Variants in KLHL32 observed in about 807,000 individuals in gnomAD.
KLHL32 encodes kelch like family member 32.
In KLHL32, 35 loss-of-function variants were observed where a neutral mutation model predicts 64.8. The ratio of observed to expected loss-of-function variants is 0.54; its 90% CI spans 0.41 to 0.72. The LOEUF is 0.72. Among genes scored for constraint, KLHL32 ranks in the 30% least tolerant of loss-of-function variants. The pLI is 0.00. For missense variants in KLHL32, 589 were observed against 768.5 expected, an observed-to-expected ratio of 0.77 and a Z score of 2.76; for synonymous variants, 259 against 281.0, an observed-to-expected ratio of 0.92 and a Z score of 0.78.
chr6:96,898,713 C>A, the KLHL32 span, among the ~76,000 whole-genome samples: 4 of 151,168 alleles, frequency 2.6e-5, no homozygotes, highest in African/African-American at 7.3e-5. Context: ...AACAAACAAA[C>A]AAAAAAACGA....
chr6:97,050,550 G>A (rs1286604685), intron 4 of KLHL32, among the ~76,000 whole-genome samples: 1 of 152,112 alleles, frequency 6.6e-6, no homozygotes, highest in Non-Finnish European at 1.5e-5. Flanking sequence ...AGGCAAGCAG[G>A]AAAATAGGGA....
At chr6:97,107,992 AT>A (rs1796637025) in intron 6 of KLHL32, among the ~76,000 whole-genome samples, 2 of 152,202 alleles carry the variant, frequency 1.3e-5, no homozygotes, top group Non-Finnish European at 2.9e-5. Flanking sequence ...GGAAGGAACA[AT>A]TCTCCATTGT....
intron 4 of KLHL32, among the ~76,000 whole-genome samples, chr6:97,060,458 C>T (rs1294672603): frequency 6.6e-6 from 1 of 152,208 alleles, no homozygotes. Flanking sequence ...TCAGTCCCAG[C>T]TCCACCCTCC....
rs545128948 is a variant in KLHL32, at chr6:97,093,531, G to A, written c.627+8190G>A. 2.6e-5 allele frequency among the ~76,000 whole-genome samples: 4 copies of A among 152,302 alleles called. No homozygotes were observed. The East Asian group carries it at 7.7e-4, about 29-fold the overall frequency. On this transcript the variant is annotated intron_variant, in intron 6 of 10. Transcript: ENST00000369261. ...TCAAAGTACCTTATATATCTCATAA[G>A]TCAAACGTTTTTATATATTACTCTG...
At chr6:97,043,540 T>C (rs1422399794) in intron 4 of KLHL32, among the ~76,000 whole-genome samples, 1 of 152,210 alleles carries the variant, frequency 6.6e-6, no homozygotes, top group Admixed American at 6.5e-5. Context: ...GGCAGATGTC[T>C]CTATAGCATA....
intron 3 of KLHL32, among the ~76,000 whole-genome samples, chr6:96,992,777 C>T (rs1239279903): frequency 6.6e-6 from 1 of 152,202 alleles, no homozygotes; most frequent in African/African-American, 2.4e-5. Context: ...GGAGAAACTT[C>T]ATTATTTGCA....
At chr6:96,910,100 GGGCGCTGTAGCT>G in the KLHL32 span, among the ~76,000 whole-genome samples, 1 of 152,106 alleles carries the variant, frequency 6.6e-6, no homozygotes, top group Admixed American at 6.5e-5. Flanking sequence ...CTTTGGGAGT[GGGCGCTGTAGCT>G]GCCGCCCACA....
At chr6:97,133,979 A>G (rs1799714064) in intron 10 of KLHL32, among the ~76,000 whole-genome samples, 1 of 152,168 alleles carries the variant, frequency 6.6e-6, no homozygotes, top group African/African-American at 2.4e-5. Context: ...TATCTCTAAT[A>G]CAATGCAATT....
At chr6:97,065,860 C>G (rs1789658066) in intron 5 of KLHL32, among the ~76,000 whole-genome samples, 1 of 152,132 alleles carries the variant, frequency 6.6e-6, no homozygotes, top group African/African-American at 2.4e-5. Context: ...AAAATAGGAA[C>G]CAGCACTTCC....
chr6:97,108,179 T>C (rs1487176577), intron 6 of KLHL32, among the ~76,000 whole-genome samples: 1 of 152,222 alleles, frequency 6.6e-6, no homozygotes, highest in African/African-American at 2.4e-5. Flanking sequence ...CCACTCTTGC[T>C]GGCTTGGCCA....
At chr6:96,960,509 A>G (rs577221852) in intron 1 of KLHL32, among the ~76,000 whole-genome samples, 2 of 152,342 alleles carry the variant, frequency 1.3e-5, no homozygotes, top group South Asian at 4.1e-4. Flanking sequence ...TCTCTTTAAA[A>G]ATTATAAGGT....
At chr6:96,905,946 C>G in the KLHL32 span, among the ~76,000 whole-genome samples, 1 of 152,254 alleles carries the variant, frequency 6.6e-6, no homozygotes, top group Admixed American at 6.5e-5. Context: ...TGCTCATAGA[C>G]TTTTTGGATT....
chr6:96,899,499 G>C, the KLHL32 span, among the ~76,000 whole-genome samples: 2 of 152,232 alleles, frequency 1.3e-5, no homozygotes, highest in Non-Finnish European at 2.9e-5. Flanking sequence ...AGAAGTGACT[G>C]TCAGGACAGT....
chr6:96,932,760 G>A (rs781318160), intron 1 of KLHL32, among the ~76,000 whole-genome samples: 3 of 151,626 alleles, frequency 2.0e-5, no homozygotes, highest in Admixed American at 6.6e-5. Context: ...TGTAGAGATG[G>A]GTGTCTCACT....
intron 7 of KLHL32, among the ~76,000 whole-genome samples, chr6:97,121,081 G>C (rs975903137): frequency 6.6e-6 from 1 of 152,200 alleles, no homozygotes; most frequent in Non-Finnish European, 1.5e-5. Flanking sequence ...ATCCTAAACT[G>C]TCTTAACTGT....
chr6:96,911,824 C>CT, the KLHL32 span, among the ~76,000 whole-genome samples: 2,105 of 53,810 alleles, frequency 0.039, 568 homozygotes, highest in Middle Eastern at 0.14. Flanking sequence ...CTCGGTCCTT[C>CT]TTTTTTTTTT....
chr6:97,024,570 C>T (rs1384193080), intron 3 of KLHL32, among the ~76,000 whole-genome samples: 2 of 152,056 alleles, frequency 1.3e-5, no homozygotes, highest in Non-Finnish European at 2.9e-5. Context: ...TTCTAAAGAG[C>T]CATCATCATA....
intron 10 of KLHL32, 42 bp downstream of exon 10, chr6:97,132,789 C>A: frequency 7.2e-7 from 1 of 1,395,552 alleles, no homozygotes; most frequent in Non-Finnish European, 1.0e-6. Flanking sequence ...TCAAGTGGTT[C>A]AGCGAGGTTA....
chr6:97,083,793 C>T (rs778329970), intron 5 of KLHL32, among the ~76,000 whole-genome samples: 1 of 152,120 alleles, frequency 6.6e-6, no homozygotes, highest in Admixed American at 6.6e-5. Flanking sequence ...TTTTGTTTCC[C>T]ATCCACCGTA....
Sources: allele counts gnomAD v4.1 joint callset (sites outside exome capture counted in the v4.1 genomes callset), GRCh38; gene constraint gnomAD v4.1.1; transcripts MANE v1.5; gene names NCBI Gene and HGNC (gene_info 2026-07-23, HGNC 2026-07-21).